ANKRD12: variants seen among roughly 807,000 people sequenced by gnomAD.
ANKRD12 encodes ankyrin repeat domain-containing protein 12.
Under a neutral mutation model 183.4 loss-of-function variants are expected in ANKRD12, and 85 were observed. That is an observed-to-expected ratio of 0.46 (90% CI 0.39 to 0.56). The LOEUF (loss-of-function observed/expected upper bound fraction) is 0.56. Among genes scored for constraint, ANKRD12 ranks in the 20% least tolerant of loss-of-function variants. The probability of loss-of-function intolerance (pLI) is 0.00; values close to 1 mark genes in which losing one functional copy is unlikely to be tolerated. For missense variants in ANKRD12, 2,405 were observed against 2,357.1 expected (o/e 1.02, Z -0.42); for synonymous variants, 914 against 800.2 (o/e 1.14, Z -2.40).
intron 1 of ANKRD12, among the ~76,000 whole-genome samples, chr18:9,153,427 C>G (rs1393464844): frequency 6.6e-6 from 1 of 151,932 alleles, no homozygotes; most frequent in Admixed American, 6.6e-5. Flanking sequence ...TTTTGAAATC[C>G]TTTGTCTTTT....
At chr18:9,179,348 A>G (rs1238071173) in intron 1 of ANKRD12, among the ~76,000 whole-genome samples, 1 of 152,066 alleles carries the variant, frequency 6.6e-6, no homozygotes, top group East Asian at 1.9e-4. Context: ...TCCACGCCTC[A>G]TTGTTGATCT....
At chr18:9,270,071 TCA>T (rs2039511958) in intron 10 of ANKRD12, among the ~76,000 whole-genome samples, 1 of 152,184 alleles carries the variant, frequency 6.6e-6, no homozygotes, top group Non-Finnish European at 1.5e-5. Context: ...AGATACCATC[TCA>T]CACCAGTTAG....
At position 9,256,384 on chromosome 18, in the gene ANKRD12, A is replaced by G; in HGVS notation, c.3117A>G (p.Ile1039Met). 6.2e-7 allele frequency: 1 copy of G among 1,606,302 alleles called. No individual in the cohort carries two copies. The highest frequency in any genetic ancestry group is 1.3e-5 in the African/African-American group (1 of 74,362). The part of the protein sequence containing the change: ...ERDKHKDKIQ[I>M]NSLLKLKSEA... ...ACAAACATAAAGATAAAATTCAAAT[A>G]AATAGCTTACTCAAACTAAAATCTG... Residue 1039 changes from isoleucine (I) to methionine (M), a missense_variant, in exon 9 of 13, where the codon ATA becomes ATG. Physicochemically the swap from Ile to Met is conservative, Grantham distance 10. Transcript: ENST00000262126.
intron 1 of ANKRD12, among the ~76,000 whole-genome samples, chr18:9,149,802 T>A (rs28641086): frequency 0.011 from 1,449 of 131,534 alleles, 26 homozygotes; most frequent in African/African-American, 0.033. Flanking sequence ...AATTTTATTT[T>A]TTTTTTTTTT....
chr18:9,280,576 G>A (rs1301123404), intron 12 of ANKRD12, among the ~76,000 whole-genome samples: 10 of 152,158 alleles, frequency 6.6e-5, no homozygotes, highest in African/African-American at 1.9e-4. Context: ...ATCACCTGAG[G>A]TCAGGAGTTC....
intron 2 of ANKRD12, among the ~76,000 whole-genome samples, chr18:9,187,375 G>A (rs779406451): frequency 1.3e-5 from 2 of 152,172 alleles, no homozygotes; most frequent in Non-Finnish European, 2.9e-5. Context: ...CTGCGTTCCA[G>A]CCTGGCAAGA....
At chr18:9,214,115 G>C (rs896389487) in intron 6 of ANKRD12, among the ~76,000 whole-genome samples, 2 of 151,574 alleles carry the variant, frequency 1.3e-5, no homozygotes, top group Non-Finnish European at 1.5e-5. Flanking sequence ...GGAACAATTT[G>C]GAAAAACTCA....
rs114257595 is a variant in ANKRD12 at position 9,145,440 on chromosome 18, A to C, written c.-52+8475A>C. Among the ~76,000 whole-genome samples, 817 of 152,340 alleles carry C rather than the reference A, an allele frequency of 5.4e-3. 12 individuals carry two copies. Among genetic ancestry groups the C allele is most frequent in the African/African-American group, 0.019 (770 of 41,574 alleles). On this transcript the variant is annotated intron_variant, in intron 1 of 12. Transcript: ENST00000262126. ...AGTATGTGTCTTTTTAAGAATTCAC[A>C]CTCAGGAAACAAAATACACACATAA...
intron 8 of ANKRD12, among the ~76,000 whole-genome samples, chr18:9,247,799 T>C (rs2038052986): frequency 6.6e-6 from 1 of 151,980 alleles, no homozygotes. Context: ...TTTGTTTTGT[T>C]TTGTTTTGTT....
intron 3 of ANKRD12, among the ~76,000 whole-genome samples, chr18:9,198,199 C>T (rs2034955375): frequency 6.6e-6 from 1 of 152,012 alleles, no homozygotes; most frequent in African/African-American, 2.4e-5. Flanking sequence ...GAAACATTTA[C>T]AGCATATATC....
intron 2 of ANKRD12, among the ~76,000 whole-genome samples, chr18:9,191,178 G>T (rs2034432547): frequency 6.6e-6 from 1 of 152,178 alleles, no homozygotes; most frequent in African/African-American, 2.4e-5. Context: ...AAATGAAAAA[G>T]ACTCTAGAAA....
intron 1 of ANKRD12, among the ~76,000 whole-genome samples, chr18:9,164,623 T>A (rs540265278): frequency 4.6e-5 from 7 of 152,274 alleles, no homozygotes; most frequent in South Asian, 2.1e-4. Context: ...TTCCAAGAAC[T>A]TCTTGATTTC....
chr18:9,256,404 A>AT lies in ANKRD12; in HGVS notation c.3137_3138insT (p.Lys1046AsnfsTer3). 6.2e-7 allele frequency: 1 copy of AT among 1,610,170 alleles called. No individual in the cohort carries two copies. The highest frequency in any genetic ancestry group is 8.5e-7 in the Non-Finnish European group (1 of 1,178,982). On this transcript the variant is annotated frameshift_variant, in exon 9 of 13. Coordinates refer to ENST00000262126, the MANE Select transcript of ANKRD12 (RefSeq NM_015208.5). LOFTEE classifies it high-confidence loss of function. ...CAAATAAATAGCTTACTCAAACTAA[A>AT]ATCTGAAGCAGATAAGCCTAAACCT...
At chr18:9,213,603 G>A (rs2035927674) in intron 6 of ANKRD12, among the ~76,000 whole-genome samples, 1 of 151,918 alleles carries the variant, frequency 6.6e-6, no homozygotes, top group Non-Finnish European at 1.5e-5. Flanking sequence ...GTAAGTAGAG[G>A]AAGCAGGTTG....
intron 4 of ANKRD12, among the ~76,000 whole-genome samples, chr18:9,205,777 A>T (rs766949507): frequency 1.7e-4 from 26 of 152,214 alleles, no homozygotes; most frequent in Admixed American, 3.3e-4. Flanking sequence ...TGTACATTGC[A>T]AACAGGATTG....
At chr18:9,186,633 C>G (rs1440399223) in intron 2 of ANKRD12, among the ~76,000 whole-genome samples, 2 of 152,012 alleles carry the variant, frequency 1.3e-5, no homozygotes, top group Non-Finnish European at 1.5e-5. Context: ...TCCAAAGATG[C>G]TAGGTATAGA....
intron 3 of ANKRD12, among the ~76,000 whole-genome samples, chr18:9,196,269 A>G (rs2034814855): frequency 6.6e-6 from 1 of 151,034 alleles, no homozygotes; most frequent in Non-Finnish European, 1.5e-5. Context: ...TTGTTTCCCA[A>G]AACTCCTATA....
chr18:9,163,561 T>A (rs1179106077), intron 1 of ANKRD12, among the ~76,000 whole-genome samples: 4 of 152,202 alleles, frequency 2.6e-5, no homozygotes, highest in Admixed American at 6.5e-5. Context: ...TTTTTCTAAT[T>A]CTGTGAAGAA....
chr18:9,256,732 A>G lies in ANKRD12; in HGVS notation c.3465A>G (p.Gln1155=), dbSNP rs201426354. ...CTGATGCATATACCAAGGAGAAACA[A>G]CCTAAAGATGCTGTAAGTAACAGAT... ...EVTDAYTKEK[Q]PKDAVSNRSQ... is the part of the protein sequence containing the mutation. The change falls in exon 9 of 13, where the codon CAA becomes CAG. Residue 1155 remains glutamine (Q), a synonymous_variant. Coordinates refer to ENST00000262126, the MANE Select transcript of ANKRD12 (RefSeq NM_015208.5). 7.0e-4 allele frequency: 1,133 copies of G among 1,612,516 alleles called. 1 individual carries two copies. The highest frequency in any genetic ancestry group is 1.6e-3 in the Admixed American group (93 of 59,676).
Sources: gnomAD v4.1 joint callset for allele counts (sites outside exome capture counted in the v4.1 genomes callset) on GRCh38, gnomAD v4.1.1 for gene constraint, MANE v1.5 for transcripts, NCBI Gene and HGNC (gene_info 2026-07-23, HGNC 2026-07-21) for gene names.